Variants in COX10 observed in about 807,000 individuals in gnomAD.
The protein encoded by COX10 is protoheme IX farnesyltransferase, mitochondrial.
A neutral mutation model predicts 37.3 loss-of-function variants in COX10; 27 were observed. That is an observed-to-expected ratio of 0.72 (90% CI 0.53 to 1.00). COX10 has a LOEUF of 1.00. COX10 is among the 50% of genes least tolerant of loss of function. The pLI, the probability that COX10 is intolerant of heterozygous loss-of-function variation, is 0.00. For missense variants in COX10, 475 were observed against 563.2 expected, an observed-to-expected ratio of 0.84 and a Z score of 1.59; for synonymous variants, 222 against 229.1, an observed-to-expected ratio of 0.97 and a Z score of 0.28.
intron 4 of COX10, among the ~76,000 whole-genome samples, chr17:14,131,436 T>C (rs1305663461): frequency 6.6e-6 from 1 of 152,020 alleles, no homozygotes; most frequent in African/African-American, 2.4e-5. Context: ...CATATATGAG[T>C]ATCAGTACTC....
At chr17:14,197,281 T>C (rs1238667942) in intron 6 of COX10, among the ~76,000 whole-genome samples, 1 of 152,202 alleles carries the variant, frequency 6.6e-6, no homozygotes, top group Non-Finnish European at 1.5e-5. Flanking sequence ...TTGTGGTGTC[T>C]GGCTCATTTT....
intron 5 of COX10, among the ~76,000 whole-genome samples, chr17:14,180,574 C>G (rs866268044): frequency 5.9e-5 from 9 of 152,244 alleles, no homozygotes; most frequent in Middle Eastern, 3.4e-3. Flanking sequence ...GACAGTATTC[C>G]TAGGGATGAA....
chr17:14,148,915 T>C (rs1043489940), intron 4 of COX10, among the ~76,000 whole-genome samples: 2 of 148,264 alleles, frequency 1.3e-5, no homozygotes, highest in Non-Finnish European at 3.0e-5. Flanking sequence ...TAATATAATA[T>C]ATTTTAATAT....
intron 5 of COX10, among the ~76,000 whole-genome samples, chr17:14,161,097 A>G (rs1426183281): frequency 6.6e-6 from 1 of 152,196 alleles, no homozygotes; most frequent in Non-Finnish European, 1.5e-5. Flanking sequence ...AGTAGTCTTT[A>G]AGCATAATCA....
chr17:14,185,150 AT>A (rs1422659817), intron 5 of COX10, among the ~76,000 whole-genome samples: 18 of 152,308 alleles, frequency 1.2e-4, no homozygotes, highest in Admixed American at 3.9e-4. Context: ...AATAAAAAAA[AT>A]ATTTCACAAA....
At chr17:14,180,472 A>T (rs1597539510) in intron 5 of COX10, among the ~76,000 whole-genome samples, 1 of 152,270 alleles carries the variant, frequency 6.6e-6, no homozygotes, top group South Asian at 2.1e-4. Flanking sequence ...AACAAGAGGA[A>T]CGCTGCTGGG....
At chr17:14,076,390 G>A (rs1275748266) in intron 2 of COX10, among the ~76,000 whole-genome samples, 1 of 151,910 alleles carries the variant, frequency 6.6e-6, no homozygotes, top group Non-Finnish European at 1.5e-5. Flanking sequence ...CTTGATTATT[G>A]AAAACTTTTT....
intron 2 of COX10, among the ~76,000 whole-genome samples, chr17:14,075,461 T>C (rs900644635): frequency 2.6e-5 from 4 of 152,220 alleles, no homozygotes; most frequent in African/African-American, 7.2e-5. Flanking sequence ...GCTGTTGATA[T>C]ATCAGTTTAT....
chr17:14,188,703 T>C (rs760843156), intron 5 of COX10, among the ~76,000 whole-genome samples: 2 of 152,204 alleles, frequency 1.3e-5, no homozygotes, highest in Non-Finnish European at 2.9e-5. Context: ...AAATCAGGAC[T>C]GTGAAGTGGA....
At position 14,102,238 on chromosome 17, in the gene COX10, A is replaced by G. The variant is rs755709533; in HGVS notation, c.620A>G (p.Asn207Ser). ...GCATCCTGTGCTGCCAACTCCATCA[A>G]TCAGGTCAGTTTCTCACTTTCATCT... ...GLASCAANSI[N>S]QFFEVPFDSN... Residue 207 changes from asparagine to serine, a missense_variant, in exon 4 of 7, where the codon AAT becomes AGT. Physicochemically the swap from Asn to Ser is conservative, Grantham distance 46. Around this residue, in one of 5 missense-constraint regions of COX10, gnomAD observed 242 missense variants for 242.5 expected, o/e 1.00. Transcript: ENST00000261643. The G allele has an allele frequency of 1.9e-6, 3 of 1,613,560 alleles. No individual in the cohort carries two copies. The highest frequency in any genetic ancestry group is 2.5e-6 in the Non-Finnish European group (3 of 1,179,670).
At chr17:14,204,780 C>A (rs555353427) in intron 6 of COX10, among the ~76,000 whole-genome samples, 2 of 73,146 alleles carry the variant, frequency 2.7e-5, no homozygotes, top group African/African-American at 7.5e-5. Flanking sequence ...ACGTTAAGAT[C>A]CTCTGTGGCT....
At chr17:14,148,395 C>G (rs1289982540) in intron 4 of COX10, among the ~76,000 whole-genome samples, 1 of 152,160 alleles carries the variant, frequency 6.6e-6, no homozygotes, top group African/African-American at 2.4e-5. Flanking sequence ...TGGAATCCTG[C>G]TGGATAAGGT....
chr17:14,102,146 A>T lies in COX10; in HGVS notation c.528A>T (p.Gly176=), dbSNP rs1406667036. ...TGGTTGTAAGTACCACTGCAGCTGG[A>T]TTTGCATTGGCTCCGGGCCCTTTTG... ...TALVVSTTAA[G]FALAPGPFDW... is the part of the protein sequence containing the mutation. Residue 176 remains glycine, a synonymous_variant, in exon 4 of 7, where the codon GGA becomes GGT. Transcript: ENST00000261643. The T allele has an allele frequency of 1.2e-6, 2 of 1,613,624 alleles. No homozygotes were observed. The highest frequency in any genetic ancestry group is 2.2e-5 in the South Asian group (2 of 91,064).
Position 14,071,494 on chromosome 17 carries a change from T to G in COX10, c.43+1846T>G, listed in dbSNP as rs373791712. 2.2e-4 allele frequency among the ~76,000 whole-genome samples: 33 copies of G among 152,286 alleles called. 2 individuals carry two copies. The highest frequency in any genetic ancestry group is 7.2e-4 in the African/African-American group (30 of 41,552). ...GGGGAAGCAGCATGGTGGGACAAGGTGGCAGAGAAGGTAAACTGGGACAGT... is the reference window on the plus strand; with the variant it reads ...GGGGAAGCAGCATGGTGGGACAAGGGGGCAGAGAAGGTAAACTGGGACAGT... On this transcript the variant is annotated intron_variant, in intron 1 of 6. Transcript: ENST00000261643.
At chr17:14,133,985 G>T (rs1916522658) in intron 4 of COX10, among the ~76,000 whole-genome samples, 1 of 151,598 alleles carries the variant, frequency 6.6e-6, no homozygotes, top group South Asian at 2.1e-4. Context: ...AGGAACCCTG[G>T]TATTCGTAAT....
At chr17:14,114,606 G>A (rs1004124248) in intron 4 of COX10, among the ~76,000 whole-genome samples, 2 of 152,042 alleles carry the variant, frequency 1.3e-5, no homozygotes, top group Non-Finnish European at 2.9e-5. Flanking sequence ...CATTAACACC[G>A]TAATCCTCTG....
At chr17:14,168,766 G>C (rs945052841) in intron 5 of COX10, among the ~76,000 whole-genome samples, 1 of 152,198 alleles carries the variant, frequency 6.6e-6, no homozygotes, top group African/African-American at 2.4e-5. Context: ...TCCTGAGGCT[G>C]TACAGAACAG....
chr17:14,164,203 G>A (rs1394042563), intron 5 of COX10, among the ~76,000 whole-genome samples: 1 of 152,202 alleles, frequency 6.6e-6, no homozygotes, highest in East Asian at 1.9e-4. Flanking sequence ...GCAATCTTGT[G>A]AAAAGGCTTA....
intron 4 of COX10, among the ~76,000 whole-genome samples, chr17:14,134,893 A>G (rs1202028654): frequency 6.6e-6 from 1 of 151,738 alleles, no homozygotes; most frequent in Non-Finnish European, 1.5e-5. Context: ...CACACTGGTA[A>G]CGTTGCAGAA....
Sources: gnomAD v4.1 joint callset for allele counts (sites outside exome capture counted in the v4.1 genomes callset) on GRCh38, gnomAD v4.1.1 for gene constraint, gnomAD v4.1.1 regional missense constraint, MANE v1.5 for transcripts, NCBI Gene and HGNC (gene_info 2026-07-23, HGNC 2026-07-21) for gene names.